Variants in ADCY9 observed in about 807,000 individuals in gnomAD.
The protein encoded by ADCY9 is adenylate cyclase type 9.
Under a neutral mutation model 101.5 loss-of-function variants are expected in ADCY9, and 50 were observed. That is an observed-to-expected ratio of 0.49 (90% confidence interval 0.39 to 0.62). The LOEUF (loss-of-function observed/expected upper bound fraction) is 0.62, where lower values mean the gene tolerates loss of function less well. ADCY9 is among the 20% of genes least tolerant of loss of function. The pLI, the probability that ADCY9 is intolerant of heterozygous loss-of-function variation, is 0.00. For synonymous variants in ADCY9, 905 were observed against 769.3 expected, an observed-to-expected ratio of 1.18 and a Z score of -2.92; for missense variants, 1,662 against 1,800.4, an observed-to-expected ratio of 0.92 and a Z score of 1.39.
In ADCY9 at chr16:4,059,533, G is replaced by A. The variant is rs71388558; in HGVS notation, c.1694-51975C>T. Among the ~76,000 whole-genome samples, 6 of 151,928 alleles carry A rather than the reference G, an allele frequency of 3.9e-5. No individual in the cohort carries two copies. In the South Asian group the frequency reaches 6.2e-4, roughly 16 times the overall value. On this transcript the variant is annotated intron_variant, in intron 2 of 10. Coordinates refer to ENST00000294016, the MANE Select transcript of ADCY9 (RefSeq NM_001116.4). ...AAGTAACAACAAAACTAGACAAGTC[G>A]GTCAAAAACAACCACCACAGGGTTG...
intron 6 of ADCY9, among the ~76,000 whole-genome samples, chr16:3,987,484 C>CA (rs1190862474): frequency 6.6e-6 from 1 of 152,218 alleles, no homozygotes. Context: ...TGCTCAGCGT[C>CA]AGCTCTTTGG....
chr16:3,969,606 A>ATATATATATATG (rs2056032698), intron 10 of ADCY9, among the ~76,000 whole-genome samples: 4 of 67,828 alleles, frequency 5.9e-5, no homozygotes, highest in Non-Finnish European at 1.0e-4. Flanking sequence ...ATATATATAT[A>ATATATATATATG]TATGTATTTT....
intron 2 of ADCY9, among the ~76,000 whole-genome samples, chr16:4,027,426 G>A (rs776979186): frequency 5.3e-5 from 8 of 152,154 alleles, no homozygotes; most frequent in South Asian, 2.1e-4. Flanking sequence ...ATAATTATCC[G>A]AGACTGGGTA....
At chr16:3,971,796 T>A (rs756624100) in intron 10 of ADCY9, among the ~76,000 whole-genome samples, 3 of 151,504 alleles carry the variant, frequency 2.0e-5, no homozygotes, top group Non-Finnish European at 4.4e-5. Context: ...GTGCAGGGGG[T>A]GTTTCCAGTC....
intron 2 of ADCY9, among the ~76,000 whole-genome samples, chr16:4,062,884 A>G (rs1396768842): frequency 6.6e-6 from 1 of 152,212 alleles, no homozygotes; most frequent in Non-Finnish European, 1.5e-5. Context: ...GAAATAGGCA[A>G]TTCACAATAA....
downstream of ADCY9, among the ~76,000 whole-genome samples, chr16:3,961,464 G>A (rs369804390): frequency 3.0e-3 from 449 of 149,164 alleles, 1 homozygote; most frequent in African/African-American, 0.011. Flanking sequence ...AAAAAAAACC[G>A]AACAAAACCT....
intron 2 of ADCY9, among the ~76,000 whole-genome samples, chr16:4,098,298 T>C (rs2057021412): frequency 6.6e-6 from 1 of 151,852 alleles, no homozygotes; most frequent in African/African-American, 2.4e-5. Flanking sequence ...TGGAATGTAG[T>C]GGTGCAATCT....
At chr16:3,991,177 T>C (rs2141701095) in intron 5 of ADCY9, among the ~76,000 whole-genome samples, 1 of 152,294 alleles carries the variant, frequency 6.6e-6, no homozygotes, top group East Asian at 1.9e-4. Context: ...GGAATTCTGA[T>C]GGGGAATGAA....
At chr16:4,071,725 GTT>G (rs2056835810) in intron 2 of ADCY9, among the ~76,000 whole-genome samples, 2 of 152,162 alleles carry the variant, frequency 1.3e-5, no homozygotes, top group Admixed American at 6.5e-5. Context: ...GAAGAACCGA[GTT>G]TTAATTTTCA....
chr16:4,086,228 A>G lies in ADCY9; in HGVS notation c.1693+27522T>C, dbSNP rs369337790. On this transcript the variant is annotated intron_variant, in intron 2 of 10. Transcript: ENST00000294016. ...AGGGAGGTCACATCTATCGAGGGGG[A>G]GGAGGGCAACACAGGAGGAGAAGAG... 2.6e-5 allele frequency among the ~76,000 whole-genome samples: 4 copies of G among 151,970 alleles called. No homozygotes were observed. In the South Asian group the frequency reaches 8.3e-4, roughly 32 times the overall value.
At chr16:4,037,637 C>T (rs1483671833) in intron 2 of ADCY9, among the ~76,000 whole-genome samples, 1 of 152,152 alleles carries the variant, frequency 6.6e-6, no homozygotes, top group African/African-American at 2.4e-5. Context: ...ATATTATTCT[C>T]ATATAATTCT....
chr16:4,071,810 G>GT (rs2056836381), intron 2 of ADCY9, among the ~76,000 whole-genome samples: 3 of 20,806 alleles, frequency 1.4e-4, no homozygotes, highest in Admixed American at 3.0e-4. Flanking sequence ...CACGAATTCT[G>GT]GGTTTTTTTG....
intron 2 of ADCY9, among the ~76,000 whole-genome samples, chr16:4,066,597 C>T (rs954433989): frequency 1.3e-5 from 2 of 152,108 alleles, no homozygotes; most frequent in Admixed American, 1.3e-4. Flanking sequence ...GTTGCCCAGG[C>T]TGGTCTCAAA....
intron 2 of ADCY9, among the ~76,000 whole-genome samples, chr16:4,041,919 G>GTT (rs750737772): frequency 0.04 from 4,068 of 100,448 alleles, 196 homozygotes; most frequent in African/African-American, 0.05. Context: ...CCCCAGCTAA[G>GTT]TTTTTTTTTT....
chr16:4,067,505 T>C (rs890621050), intron 2 of ADCY9, among the ~76,000 whole-genome samples: 4 of 152,130 alleles, frequency 2.6e-5, no homozygotes, highest in African/African-American at 4.8e-5. Context: ...GGACTTCTGC[T>C]TCAAATTAGG....
intron 2 of ADCY9, among the ~76,000 whole-genome samples, chr16:4,087,907 T>G (rs1441349805): frequency 6.6e-6 from 1 of 151,356 alleles, no homozygotes. Flanking sequence ...CTTTCTCCCT[T>G]TCTTTCGTTT....
chr16:4,020,396 A>G (rs1399745518), intron 2 of ADCY9, among the ~76,000 whole-genome samples: 2 of 152,226 alleles, frequency 1.3e-5, no homozygotes, highest in African/African-American at 4.8e-5. Flanking sequence ...CTACTAAAAG[A>G]AAATGGGTGG....
intron 2 of ADCY9, among the ~76,000 whole-genome samples, chr16:4,086,740 A>G (rs775882404): frequency 8.6e-5 from 13 of 151,954 alleles, no homozygotes; most frequent in Admixed American, 1.3e-4. Flanking sequence ...GCTCACTGCA[A>G]CCTCTGCCTC....
At chr16:4,059,076 T>C (rs943094854) in intron 2 of ADCY9, among the ~76,000 whole-genome samples, 23 of 152,056 alleles carry the variant, frequency 1.5e-4, no homozygotes, top group African/African-American at 4.3e-4. Context: ...AACAAGCTTA[T>C]AGTACTTAGA....
Sources: gnomAD v4.1 joint callset for allele counts (sites outside exome capture counted in the v4.1 genomes callset) on GRCh38, gnomAD v4.1.1 for gene constraint, MANE v1.5 for transcripts, NCBI Gene and HGNC (gene_info 2026-07-23, HGNC 2026-07-21) for gene names.